The following ASAH2B variants were observed in gnomAD, a reference collection of about 807,000 sequenced individuals.
ASAH2B encodes the protein N-acylsphingosine amidohydrolase 2B.
ASAH2B carries 1 observed loss-of-function variant against 2.9 expected under a neutral mutation model. The ratio of observed to expected loss-of-function variants is 0.34; its 90% CI spans 0.12 to 1.63. The LOEUF is 1.63. Ranked by LOEUF, ASAH2B falls within the 40% of genes most tolerant of loss-of-function variation. The pLI is 0.36. For missense variants in ASAH2B, 9 were observed against 37.7 expected, an observed-to-expected ratio of 0.24 and a Z score of 1.99; for synonymous variants, 4 against 13.3, an observed-to-expected ratio of 0.30 and a Z score of 1.52.
intron 3 of ASAH2B, among the ~76,000 whole-genome samples, chr10:50,748,162 C>T (rs1839934967): frequency 7.2e-6 from 1 of 138,280 alleles, no homozygotes; most frequent in African/African-American, 2.6e-5. Flanking sequence ...GGAATTTTCT[C>T]ATTTCATATA....
Position 50,756,814 on chromosome 10 carries a change from A to G in ASAH2B, c.*2074A>G, listed in dbSNP as rs1361309066. On this transcript the variant is annotated 3_prime_UTR_variant, in exon 6 of 6. Coordinates refer to ENST00000647317, the MANE Select transcript of ASAH2B (RefSeq NM_001321958.2). Reference sequence around the variant, plus strand: ...ATCAATATCAGTTCTTTACCTGTGCATAAAAGAATATCATGAAGTAATTGA... The same window carrying G: ...ATCAATATCAGTTCTTTACCTGTGCGTAAAAGAATATCATGAAGTAATTGA... The G allele has an allele frequency of 6.6e-6, 1 of 151,806 alleles. No homozygotes were observed. Among genetic ancestry groups the G allele is most frequent in the African/African-American group, 2.4e-5 (1 of 41,410 alleles). 9.4% of individuals were successfully genotyped at this position (151,806 alleles called of 1,614,324 possible). A position where few individuals can be genotyped will look rare whatever the true frequency, so the allele number is the denominator to read the frequency against.
At position 50,757,467 on chromosome 10, in the gene ASAH2B, A is replaced by G; in HGVS notation, c.*2727A>G. 1 of 149,762 alleles carries G rather than the reference A, an allele frequency of 6.7e-6. No homozygotes were observed. The highest frequency in any genetic ancestry group is 2.0e-4 in the East Asian group (1 of 4,968). 9.3% of individuals were successfully genotyped at this position (149,762 alleles called of 1,614,324 possible). A position where few individuals can be genotyped will look rare whatever the true frequency, so the allele number is the denominator to read the frequency against. On this transcript the variant is annotated 3_prime_UTR_variant, in exon 6 of 6. Coordinates refer to ENST00000647317, the MANE Select transcript of ASAH2B (RefSeq NM_001321958.2). ...TTTCCTAGGCAGGTAGCTAACTATG[A>G]AATTGTTTCCTGCGCTAATTCTGAA...
chr10:50,747,014 TGTG>T (rs1262953394), intron 3 of ASAH2B, among the ~76,000 whole-genome samples: 1 of 150,778 alleles, frequency 6.6e-6, no homozygotes, highest in Non-Finnish European at 1.5e-5. Flanking sequence ...TGATGTAATA[TGTG>T]CCTGTTTTTG....
At position 50,747,058 on chromosome 10, in the gene ASAH2B, TA is replaced by T. The variant is rs200474260; in HGVS notation, c.144+1796del. On this transcript the variant is annotated intron_variant, in intron 3 of 5. Coordinates refer to ENST00000647317, the MANE Select transcript of ASAH2B (RefSeq NM_001321958.2). Reference sequence around the variant, plus strand: ...GTTGCTTTTGCATTAGGGGTCATATTAAAAAAAAAAAACAAACATCACCTAC... The same window carrying T: ...GTTGCTTTTGCATTAGGGGTCATATTAAAAAAAAAAACAAACATCACCTAC... Among the ~76,000 whole-genome samples, 583 of 142,468 alleles carry T rather than the reference TA, an allele frequency of 4.1e-3. 4 individuals are homozygous for T. Among genetic ancestry groups the T allele is most frequent in the East Asian group, 0.019 (95 of 5,036 alleles). 93.5% of individuals were successfully genotyped at this position (142,468 alleles called of 152,430 possible).
In ASAH2B at chr10:50,755,003, T is replaced by C; in HGVS notation, c.*263T>C. 2.3e-6 allele frequency: 1 copy of C among 440,044 alleles called. No homozygotes were observed. The highest frequency in any genetic ancestry group is 4.1e-5 in the Admixed American group (1 of 24,156). The allele number at this position is 440,044 out of a possible 1,614,324, so 27.3% of individuals were successfully genotyped here. Reference sequence around the variant, plus strand: ...ATCTTGTTCCAGCAGCCATATATCTTGTGGTCTACAGCCTAAAGCATGATT... The same window carrying C: ...ATCTTGTTCCAGCAGCCATATATCTCGTGGTCTACAGCCTAAAGCATGATT... On this transcript the variant is annotated 3_prime_UTR_variant, in exon 6 of 6. Coordinates refer to ENST00000647317, the MANE Select transcript of ASAH2B (RefSeq NM_001321958.2).
In ASAH2B at chr10:50,757,285, A is replaced by G. The variant is rs1333116591; in HGVS notation, c.*2545A>G. 1 of 151,730 alleles carries G rather than the reference A, an allele frequency of 6.6e-6. No individual in the cohort carries two copies. Among genetic ancestry groups the G allele is most frequent in the Non-Finnish European group, 1.5e-5 (1 of 67,734 alleles). The allele number at this position is 151,730 out of a possible 1,614,324, so 9.4% of individuals were successfully genotyped here. On this transcript the variant is annotated 3_prime_UTR_variant, in exon 6 of 6. Transcript: ENST00000647317. ...AGATTACATGTAAATTAGGTTGGAA[A>G]GTGATACAAATGACTTGTAAATAAC...
rs1837114367 is a variant in ASAH2B at position 50,757,232 on chromosome 10, TA to T, written c.*2499del. On this transcript the variant is annotated 3_prime_UTR_variant, in exon 6 of 6. Transcript: ENST00000647317. ...TAATGTAGACAAACGAACACTTTTT[TA>T]AAAAAAGAGGTGGAACAAAAGGTGG... The T allele has an allele frequency of 6.6e-6, 1 of 151,332 alleles. No homozygotes were observed. The highest frequency in any genetic ancestry group is 1.5e-5 in the Non-Finnish European group (1 of 67,628). 9.4% of individuals were successfully genotyped at this position (151,332 alleles called of 1,614,324 possible).
At position 50,757,224 on chromosome 10, in the gene ASAH2B, C is replaced by T. The variant is rs1837114079; in HGVS notation, c.*2484C>T. On this transcript the variant is annotated 3_prime_UTR_variant, in exon 6 of 6. Transcript: ENST00000647317. ...ATGAAAGGTAATGTAGACAAACGAACACTTTTTTAAAAAAAGAGGTGGAAC... is the reference window on the plus strand; with the variant it reads ...ATGAAAGGTAATGTAGACAAACGAATACTTTTTTAAAAAAAGAGGTGGAAC... 6.6e-6 allele frequency: 1 copy of T among 151,204 alleles called. No homozygotes were observed. Among genetic ancestry groups the T allele is most frequent in the Non-Finnish European group, 1.5e-5 (1 of 67,586 alleles). The allele number at this position is 151,204 out of a possible 1,614,324, so 9.4% of individuals were successfully genotyped here. A position where few individuals can be genotyped will look rare whatever the true frequency, so the allele number is the denominator to read the frequency against.
intron 3 of ASAH2B, among the ~76,000 whole-genome samples, chr10:50,745,619 C>G (rs1020058499): frequency 6.8e-6 from 1 of 146,852 alleles, no homozygotes; most frequent in Admixed American, 6.8e-5. Flanking sequence ...ATCTTGTGTC[C>G]TGAAAGCTTG....
intron 4 of ASAH2B, among the ~76,000 whole-genome samples, chr10:50,751,580 T>C (rs1289823555): frequency 1.3e-5 from 2 of 151,816 alleles, no homozygotes; most frequent in Admixed American, 6.6e-5. Flanking sequence ...AACTTCCTTA[T>C]TGAATGTAAT....
intron 2 of ASAH2B, among the ~76,000 whole-genome samples, chr10:50,743,224 T>A (rs1038902485): frequency 6.6e-6 from 1 of 152,186 alleles, no homozygotes; most frequent in African/African-American, 2.4e-5. Flanking sequence ...TTAACATCCT[T>A]TCATGCTGGC....
At chr10:50,754,164 C>G (rs1181307105) in intron 5 of ASAH2B, among the ~76,000 whole-genome samples, 1 of 150,652 alleles carries the variant, frequency 6.6e-6, no homozygotes, top group East Asian at 2.0e-4. Flanking sequence ...TATACACACA[C>G]ACATATATAT....
At chr10:50,748,645 T>A (rs1172508676) in intron 3 of ASAH2B, among the ~76,000 whole-genome samples, 2 of 151,296 alleles carry the variant, frequency 1.3e-5, no homozygotes, top group Non-Finnish European at 2.9e-5. Context: ...TGTGCAGCTA[T>A]CCTCTCTATG....
chr10:50,740,475 TCG>T (rs754491746), intron 1 of ASAH2B, among the ~76,000 whole-genome samples: 6 of 152,150 alleles, frequency 3.9e-5, no homozygotes, highest in Non-Finnish European at 7.4e-5. Context: ...CTGTTTCCGC[TCG>T]TGTTGTGTGT....
chr10:50,741,439 C>A (rs1322369559), intron 1 of ASAH2B, among the ~76,000 whole-genome samples: 2 of 152,180 alleles, frequency 1.3e-5, no homozygotes, highest in Non-Finnish European at 2.9e-5. Context: ...CAGATGATTA[C>A]ATTTTCATGA....
chr10:50,747,745 T>C (rs1238328085), intron 3 of ASAH2B, among the ~76,000 whole-genome samples: 1 of 151,950 alleles, frequency 6.6e-6, no homozygotes, highest in Non-Finnish European at 1.5e-5. Context: ...TGCCGTATCA[T>C]TTAGTCATGG....
At chr10:50,751,649 G>A (rs1161544358) in intron 4 of ASAH2B, among the ~76,000 whole-genome samples, 1 of 151,566 alleles carries the variant, frequency 6.6e-6, no homozygotes, top group African/African-American at 2.4e-5. Flanking sequence ...CATGTAAATA[G>A]GTGATACATT....
At chr10:50,740,562 C>T (rs1839814836) in intron 1 of ASAH2B, among the ~76,000 whole-genome samples, 1 of 152,178 alleles carries the variant, frequency 6.6e-6, no homozygotes, top group Non-Finnish European at 1.5e-5. Flanking sequence ...CCTTATTGCA[C>T]GGAAGGTACT....
In ASAH2B at chr10:50,756,958, A is replaced by G. The variant is rs1446656022; in HGVS notation, c.*2218A>G. 2 of 151,734 alleles carry G rather than the reference A, an allele frequency of 1.3e-5. No individual in the cohort carries two copies. Among genetic ancestry groups the G allele is most frequent in the Non-Finnish European group, 3.0e-5 (2 of 67,776 alleles). The allele number at this position is 151,734 out of a possible 1,614,324, so 9.4% of individuals were successfully genotyped here. A position where few individuals can be genotyped will look rare whatever the true frequency, so the allele number is the denominator to read the frequency against. ...CTGAAATTGGTGGAAAAAGTGGAAT[A>G]TGGCAGATTGGGTAGGTAGGAGAAC... On this transcript the variant is annotated 3_prime_UTR_variant, in exon 6 of 6. Coordinates refer to ENST00000647317, the MANE Select transcript of ASAH2B (RefSeq NM_001321958.2).
Sources: allele counts gnomAD v4.1 joint callset (sites outside exome capture counted in the v4.1 genomes callset), GRCh38; gene constraint gnomAD v4.1.1; transcripts MANE v1.5; gene names NCBI Gene and HGNC (gene_info 2026-07-23, HGNC 2026-07-21).